RAC1: variants seen among roughly 807,000 people sequenced by gnomAD.
RAC1 encodes ras-related C3 botulinum toxin substrate 1.
Under a neutral mutation model 25.2 loss-of-function variants are expected in RAC1, and 2 were observed. The ratio of observed to expected loss-of-function variants is 0.08; its 90% CI spans 0.03 to 0.25. The LOEUF is 0.25. Ranked by LOEUF, RAC1 falls within the 10% of genes least tolerant of loss-of-function variation. RAC1 has a pLI of 1.00. For missense variants in RAC1, 50 were observed against 235.7 expected (o/e 0.21, Z 5.16); for synonymous variants, 88 against 94.0 (o/e 0.94, Z 0.37).
chr7:6,399,920 T>G, intron 3 of RAC1: 1 of 585,462 alleles, frequency 1.7e-6, no homozygotes, highest in Non-Finnish European at 3.1e-6. Flanking sequence ...CTCCCCATTT[T>G]CATAAGTAAC....
At chr7:6,380,176 A>G (rs544388726) in intron 1 of RAC1, among the ~76,000 whole-genome samples, 1 of 152,236 alleles carries the variant, frequency 6.6e-6, no homozygotes, top group East Asian at 1.9e-4. Context: ...GGTGGCGTGA[A>G]CCATGAATTT....
intron 3 of RAC1, among the ~76,000 whole-genome samples, chr7:6,393,515 T>G (rs370128235): frequency 6.6e-6 from 1 of 151,674 alleles, no homozygotes; most frequent in Non-Finnish European, 1.5e-5. Context: ...TTGGCAGGAG[T>G]CCCACTTTGT....
chr7:6,386,754 A>G (rs937767053), intron 1 of RAC1, among the ~76,000 whole-genome samples: 12 of 149,016 alleles, frequency 8.1e-5, no homozygotes, highest in African/African-American at 3.0e-4. Context: ...TCTGCACTGC[A>G]CTCCAGCTGG....
Position 6,402,641 on chromosome 7 carries a change from C to A in RAC1, c.*195C>A. 1 of 510,676 alleles carries A rather than the reference C, an allele frequency of 2.0e-6. No individual in the cohort carries two copies. Among genetic ancestry groups the A allele is most frequent in the Non-Finnish European group, 3.1e-6 (1 of 320,220 alleles). The allele number at this position is 510,676 out of a possible 1,614,324, so 31.6% of individuals were successfully genotyped here. On this transcript the variant is annotated 3_prime_UTR_variant, in exon 6 of 6. Transcript: ENST00000348035. ...CAGTAATTTTAAGGTTTTGTTTGTT[C>A]TAAATGTAAGAGTTCAGACTCACAT... is the stretch of plus-strand genomic sequence containing the variant.
intron 1 of RAC1, among the ~76,000 whole-genome samples, chr7:6,377,426 T>G (rs1782640704): frequency 6.6e-6 from 1 of 151,952 alleles, no homozygotes; most frequent in Non-Finnish European, 1.5e-5. Flanking sequence ...AGACCCTGTC[T>G]CTGCTAAAAA....
intron 3 of RAC1, among the ~76,000 whole-genome samples, chr7:6,392,657 G>C (rs938099980): frequency 6.6e-6 from 1 of 152,142 alleles, no homozygotes; most frequent in Non-Finnish European, 1.5e-5. Flanking sequence ...TGGTGAAAAT[G>C]GGTACTTAGA....
In RAC1 at chr7:6,374,785, G is replaced by T; in HGVS notation, c.35+15G>T. On this transcript the variant is annotated intron_variant, in intron 1 of 5. Transcript: ENST00000348035. ...GTGGGAGACGGGTGAGTGCGCGGCC[G>T]GGGCCGGGCTGGAGGCCGCGGGATC... 8.9e-7 allele frequency: 1 copy of T among 1,127,564 alleles called. No individual in the cohort carries two copies. Among genetic ancestry groups the T allele is most frequent in the Non-Finnish European group, 1.1e-6 (1 of 916,834 alleles). 69.8% of individuals were successfully genotyped at this position (1,127,564 alleles called of 1,614,324 possible). A position where few individuals can be genotyped will look rare whatever the true frequency, so the allele number is the denominator to read the frequency against.
At chr7:6,400,567 C>G (rs2115214881) in intron 4 of RAC1, among the ~76,000 whole-genome samples, 1 of 152,328 alleles carries the variant, frequency 6.6e-6, no homozygotes, top group South Asian at 2.1e-4. Flanking sequence ...TTGAAGTGAT[C>G]TTTCAGCTTC....
chr7:6,376,533 C>T (rs1334704932), intron 1 of RAC1, among the ~76,000 whole-genome samples: 1 of 139,154 alleles, frequency 7.2e-6, no homozygotes, highest in South Asian at 2.3e-4. Flanking sequence ...GACGGGGTCT[C>T]ACTCTGTCGC....
intron 1 of RAC1, chr7:6,375,737 G>A (rs995057140): frequency 6.6e-6 from 1 of 151,732 alleles, no homozygotes; most frequent in Non-Finnish European, 1.5e-5. Flanking sequence ...AACGCGTTAG[G>A]TATGGGATGT....
intron 5 of RAC1, 24 bp from the exon 6 acceptor site, chr7:6,402,292 G>C (rs1377357692): frequency 1.3e-6 from 2 of 1,590,204 alleles, no homozygotes; most frequent in Non-Finnish European, 1.7e-6. Context: ...AGTGTACATT[G>C]CCGTGTGGTC....
At position 6,374,819 on chromosome 7, in the gene RAC1, AG is replaced by A. The variant is rs1285300269; in HGVS notation, c.35+55del. ...CTGGAGGCCGCGGGATCGGGCGCGG[AG>A]GGGGGTTGGGCCCGGACTGGGGCCC... On this transcript the variant is annotated intron_variant, in intron 1 of 5. Transcript: ENST00000348035. 1.9e-5 allele frequency: 21 copies of A among 1,088,496 alleles called. No homozygotes were observed. The East Asian group carries it at 2.9e-4, about 15-fold the overall frequency. The allele number at this position is 1,088,496 out of a possible 1,614,324, so 67.4% of individuals were successfully genotyped here.
chr7:6,387,359 A>C, intron 2 of RAC1, 76 bp downstream of exon 2: 1 of 1,092,050 alleles, frequency 9.2e-7, no homozygotes, highest in Non-Finnish European at 1.4e-6. Context: ...TTTTGCTGTA[A>C]AGCCATCTTT....
At chr7:6,394,155 C>T (rs142342941) in intron 3 of RAC1, among the ~76,000 whole-genome samples, 216 of 152,216 alleles carry the variant, frequency 1.4e-3, no homozygotes, top group African/African-American at 4.9e-3. Flanking sequence ...TCTAGGGTGT[C>T]CTAAAAAGAG....
chr7:6,382,458 C>T (rs947890619), intron 1 of RAC1, among the ~76,000 whole-genome samples: 4 of 152,066 alleles, frequency 2.6e-5, no homozygotes, highest in Non-Finnish European at 4.4e-5. Flanking sequence ...ATTTTTTTAA[C>T]GTGAGGAAAT....
intron 2 of RAC1, among the ~76,000 whole-genome samples, chr7:6,387,514 A>G (rs905242385): frequency 6.6e-6 from 1 of 152,180 alleles, no homozygotes; most frequent in Non-Finnish European, 1.5e-5. Context: ...ACTGAGGGTC[A>G]GGAGTTCGAG....
chr7:6,401,399 A>T (rs1039781652), intron 4 of RAC1, among the ~76,000 whole-genome samples: 1 of 152,194 alleles, frequency 6.6e-6, no homozygotes, highest in Non-Finnish European at 1.5e-5. Flanking sequence ...TCTTAGTGAA[A>T]ATGACAAGTG....
chr7:6,394,355 C>T (rs1431369288), intron 3 of RAC1, among the ~76,000 whole-genome samples: 2 of 152,196 alleles, frequency 1.3e-5, no homozygotes, highest in African/African-American at 4.8e-5. Context: ...ACATTATTTT[C>T]TCTTGAAAAT....
At chr7:6,376,435 G>T (rs893134263) in intron 1 of RAC1, among the ~76,000 whole-genome samples, 1 of 151,140 alleles carries the variant, frequency 6.6e-6, no homozygotes, top group Admixed American at 6.6e-5. Flanking sequence ...CCACCCGCCT[G>T]GGTCTCCCAG....
Sources: gnomAD v4.1 joint callset for allele counts (sites outside exome capture counted in the v4.1 genomes callset) on GRCh38, gnomAD v4.1.1 for gene constraint, MANE v1.5 for transcripts, NCBI Gene and HGNC (gene_info 2026-07-23, HGNC 2026-07-21) for gene names.